Variants in PTPN3 observed in about 807,000 individuals in gnomAD.
PTPN3 encodes the protein protein tyrosine phosphatase non-receptor type 3, also known as tyrosine-protein phosphatase non-receptor type 3.
A neutral mutation model predicts 132.7 loss-of-function variants in PTPN3; 96 were observed. The observed-to-expected ratio is 0.72, with a 90% CI of 0.61 to 0.86. The LOEUF is 0.86. PTPN3 is among the 40% of genes least tolerant of loss of function. The pLI is 0.00. For missense variants in PTPN3, 1,125 were observed against 1,159.6 expected (o/e 0.97, Z 0.43); for synonymous variants, 398 against 429.0 (o/e 0.93, Z 0.89).
intron 18 of PTPN3, among the ~76,000 whole-genome samples, 155 bp downstream of exon 18, chr9:109,406,307 A>G (rs374270896): frequency 6.6e-5 from 10 of 152,274 alleles, no homozygotes; most frequent in African/African-American, 2.2e-4. Flanking sequence ...ACATTTTTCA[A>G]GTGAGAAGCC....
At chr9:109,513,236 T>C in the PTPN3 span, among the ~76,000 whole-genome samples, 2 of 152,108 alleles carry the variant, frequency 1.3e-5, no homozygotes, top group Non-Finnish European at 2.9e-5. Context: ...CCCAGGCTGG[T>C]CTCAAACTCC....
Position 109,431,642 on chromosome 9 carries a change from G to A in PTPN3, c.764+1431C>T, listed in dbSNP as rs543827849. 1.9e-4 allele frequency among the ~76,000 whole-genome samples: 29 copies of A among 152,328 alleles called. No individual in the cohort carries two copies. The South Asian group carries it at 4.3e-3, about 23-fold the overall frequency. On this transcript the variant is annotated intron_variant, in intron 10 of 25. Coordinates refer to ENST00000374541, the MANE Select transcript of PTPN3 (RefSeq NM_002829.4). ...CAGTGTCAAATTGAACAGGGCTGTC[G>A]TCACATTTTTTGGTTTTGGAAAATA... is the stretch of plus-strand genomic sequence containing the variant.
chr9:109,487,658 C>G (rs532468488), intron 1 of PTPN3, among the ~76,000 whole-genome samples: 16 of 152,216 alleles, frequency 1.1e-4, no homozygotes, highest in Admixed American at 9.2e-4. Flanking sequence ...TACATGAAAA[C>G]GAAAAGAAGA....
At chr9:109,495,676 G>A (rs886959601) in intron 1 of PTPN3, among the ~76,000 whole-genome samples, 1 of 152,098 alleles carries the variant, frequency 6.6e-6, no homozygotes, top group East Asian at 1.9e-4. Context: ...TTACCACCTC[G>A]GAACCCCAGC....
At chr9:109,422,883 C>T (rs766869345) in intron 12 of PTPN3, 31 bp from the exon 13 acceptor site, 1 of 1,603,328 alleles carries the variant, frequency 6.2e-7, no homozygotes. Context: ...TCACTTTCTA[C>T]ACTGACGTTC....
At chr9:109,384,444 T>C (rs1218413008) in intron 22 of PTPN3, among the ~76,000 whole-genome samples, 2 of 152,204 alleles carry the variant, frequency 1.3e-5, no homozygotes, top group African/African-American at 2.4e-5. Context: ...GTCACAGTGA[T>C]GCAGTCCAGC....
intron 19 of PTPN3, among the ~76,000 whole-genome samples, chr9:109,397,155 T>C (rs1413655634): frequency 6.6e-6 from 1 of 152,144 alleles, no homozygotes; most frequent in Non-Finnish European, 1.5e-5. Context: ...TTTCATGCCC[T>C]CCACAAAAAC....
chr9:109,409,177 G>C (rs911467137), intron 16 of PTPN3, among the ~76,000 whole-genome samples: 2 of 152,132 alleles, frequency 1.3e-5, no homozygotes, highest in Non-Finnish European at 2.9e-5. Context: ...AAAAAAACTA[G>C]TTACAGAAAC....
At chr9:109,513,277 C>T in the PTPN3 span, among the ~76,000 whole-genome samples, 1 of 152,162 alleles carries the variant, frequency 6.6e-6, no homozygotes, top group Non-Finnish European at 1.5e-5. Flanking sequence ...GCCTTGGCCT[C>T]CCAAAGTGCT....
chr9:109,452,181 T>A (rs1172576766), intron 5 of PTPN3, among the ~76,000 whole-genome samples: 1 of 147,278 alleles, frequency 6.8e-6, no homozygotes, highest in Admixed American at 7.0e-5. Flanking sequence ...GGCAGGAGAA[T>A]CGCTTGAACC....
intron 1 of PTPN3, among the ~76,000 whole-genome samples, chr9:109,489,537 G>A (rs10979887): frequency 0.29 from 43,418 of 151,996 alleles, 6,598 homozygotes; most frequent in Non-Finnish European, 0.32. Flanking sequence ...GCTTAGACCC[G>A]TCAGTCATGT....
chr9:109,425,494 T>C (rs1288276932), intron 12 of PTPN3, among the ~76,000 whole-genome samples: 3 of 151,966 alleles, frequency 2.0e-5, no homozygotes, highest in Non-Finnish European at 4.4e-5. Flanking sequence ...GCAGATCACC[T>C]GAGGTCAGGA....
At chr9:109,444,108 T>C (rs1243421454) in intron 7 of PTPN3, among the ~76,000 whole-genome samples, 1 of 152,122 alleles carries the variant, frequency 6.6e-6, no homozygotes, top group Non-Finnish European at 1.5e-5. Context: ...TCAGACCTGA[T>C]CATCTTGCTG....
At chr9:109,434,407 C>A (rs1651280843) in intron 9 of PTPN3, among the ~76,000 whole-genome samples, 1 of 148,168 alleles carries the variant, frequency 6.7e-6, no homozygotes, top group African/African-American at 2.5e-5. Context: ...CTCCTGGGCT[C>A]AAGTGATCCT....
At chr9:109,498,629 T>G (rs76859052), upstream of PTPN3, among the ~76,000 whole-genome samples, 83 of 151,948 alleles carry the variant, frequency 5.5e-4, no homozygotes, top group East Asian at 0.014. This position sits in a 1 kb window ranked among gnomAD's most constrained non-coding sequence, Gnocchi z 4.2. Flanking sequence ...AAATGAGGAG[T>G]CTTGCACGAC....
At chr9:109,473,275 T>C (rs1846468121) in intron 1 of PTPN3, among the ~76,000 whole-genome samples, 1 of 152,234 alleles carries the variant, frequency 6.6e-6, no homozygotes, top group South Asian at 2.1e-4. Flanking sequence ...AGTGGCTCTC[T>C]GACTGAAGCC....
intron 20 of PTPN3, 68 bp downstream of exon 20, chr9:109,391,403 A>G (rs751783027): frequency 6.7e-7 from 1 of 1,497,014 alleles, no homozygotes; most frequent in African/African-American, 1.4e-5. Context: ...ATACCAGACA[A>G]TCTGTTTTAA....
Position 109,433,155 on chromosome 9 carries a change from G to A in PTPN3, c.682C>T (p.His228Tyr). ...GVELHSGRDLHNLDLMIGIAS... is the reference protein window; with the variant it reads ...GVELHSGRDLYNLDLMIGIAS... ...ATTCCAATCATTAGGTCTAAATTGT[G>A]CAGATCCTGTAAAAAGGAAGATCTC... Residue 228 changes from histidine (H) to tyrosine (Y), a missense_variant, in exon 10 of 26, where the codon CAC becomes TAC. His to Tyr is a moderately conservative substitution (Grantham distance 83). Transcript: ENST00000374541. 6.2e-7 allele frequency: 1 copy of A among 1,613,978 alleles called. No homozygotes were observed. The highest frequency in any genetic ancestry group is 1.3e-5 in the African/African-American group (1 of 75,042).
In PTPN3 at chr9:109,379,190, C is replaced by A; in HGVS notation, c.*366G>T. 4.9e-6 allele frequency: 1 copy of A among 204,226 alleles called. No homozygotes were observed. The highest frequency in any genetic ancestry group is 2.3e-5 in the African/African-American group (1 of 43,102). The allele number at this position is 204,226 out of a possible 1,614,324, so 12.7% of individuals were successfully genotyped here. On this transcript the variant is annotated 3_prime_UTR_variant, in exon 26 of 26. Coordinates refer to ENST00000374541, the MANE Select transcript of PTPN3 (RefSeq NM_002829.4). ...AAAACATCCAAATGACCCAAGATAA[C>A]CACACCATCTTGTTGCTGGGAGGAC...
Sources: gnomAD v4.1 joint callset for allele counts (sites outside exome capture counted in the v4.1 genomes callset) on GRCh38, gnomAD v4.1.1 for gene constraint, Gnocchi (gnomAD v3.1) non-coding constraint, MANE v1.5 for transcripts, NCBI Gene and HGNC (gene_info 2026-07-23, HGNC 2026-07-21) for gene names.